TTN: variants seen among roughly 807,000 people sequenced by gnomAD.
The protein encoded by TTN is titin.
Under a neutral mutation model 3,223.0 loss-of-function variants are expected in TTN, and 1,525 were observed. The observed-to-expected ratio is 0.47, with a 90% CI of 0.45 to 0.49. TTN has a LOEUF of 0.49. Among genes scored for constraint, TTN ranks in the 20% least tolerant of loss-of-function variants. The pLI, the probability that TTN is intolerant of heterozygous loss-of-function variation, is 0.00. For synonymous variants in TTN, 14,094 were observed against 15,161.0 expected, an observed-to-expected ratio of 0.93 and a Z score of 5.17; for missense variants, 40,786 against 43,424.0, an observed-to-expected ratio of 0.94 and a Z score of 5.40.
chr2:178,618,980 G>T, intron 250 of TTN, 127 bp from the exon 251 acceptor site: 1 of 1,328,576 alleles, frequency 7.5e-7, no homozygotes, highest in Non-Finnish European at 1.0e-6. Flanking sequence ...TAACTTTATA[G>T]CAGAGAAAAC....
In TTN at chr2:178,795,087, T is replaced by C. The variant is rs758706067; in HGVS notation, c.1080A>G (p.Arg360=). 6.2e-7 allele frequency: 1 copy of C among 1,614,002 alleles called. No homozygotes were observed. Among genetic ancestry groups the C allele is most frequent in the Admixed American group, 1.7e-5 (1 of 60,026 alleles). ...YVASSSEAEM[R]ETTLTTSTQI... ...GAGTAGAGGTTGTCAGCGTTGTCTCTCTCATCTCAGCCTCAGATGAGGAGG... is the reference window on the plus strand; with the variant it reads ...GAGTAGAGGTTGTCAGCGTTGTCTCCCTCATCTCAGCCTCAGATGAGGAGG... The change falls in exon 7 of 363, where the codon AGA becomes AGG. Residue 360 remains arginine (R), a synonymous_variant. Transcript: ENST00000589042.
Position 178,729,798 on chromosome 2 carries a change from T to A in TTN, c.18455A>T (p.His6152Leu), listed in dbSNP as rs2080071193. The A allele has an allele frequency of 1.2e-6, 2 of 1,613,708 alleles. No individual in the cohort carries two copies. The highest frequency in any genetic ancestry group is 4.5e-5 in the East Asian group (2 of 44,828). Residue 6152 changes from histidine (H) to leucine (L), a missense_variant, in exon 63 of 363, where the codon CAT (histidine) becomes CTT (leucine). Coordinates refer to ENST00000589042, the MANE Select transcript of TTN (RefSeq NM_001267550.2). ...TAAACCATCAATGAAGGAAATGCCA[T>A]GTTTCTGAATGGCTGTTATTTCATT... ...DGNEITAIQKHGISFIDGLAT... is the reference protein window; with the variant it reads ...DGNEITAIQKLGISFIDGLAT...
At position 178,717,719 on chromosome 2, in the gene TTN, G is replaced by A. The variant is rs772383867; in HGVS notation, c.25155C>T (p.Gly8385=). The change falls in exon 87 of 363, where the codon GGC becomes GGT. Residue 8385 remains glycine, a synonymous_variant. Coordinates refer to ENST00000589042, the MANE Select transcript of TTN (RefSeq NM_001267550.2). The part of the protein sequence containing the change: ...FPVAFECRIN[G]SEPLQVSWYK... ...ACCAAGACACTTGAAGAGGTTCTGA[G>A]CCATTGATGCGGCATTCAAATGCAA... 4 of 1,613,252 alleles carry A rather than the reference G, an allele frequency of 2.5e-6. No individual in the cohort carries two copies. The highest frequency in any genetic ancestry group is 3.3e-5 in the Admixed American group (2 of 59,960).
In TTN at chr2:178,707,708, C is replaced by T; in HGVS notation, c.28859G>A (p.Arg9620Lys). ...SCHVQGSEPI[R>K]IQWLKAGREI... Reference sequence around the variant, plus strand: ...CCTGCCAGCCTTCAACCACTGGATCCTAATTGGCTCAGATCCCTGGACATG... The same window carrying T: ...CCTGCCAGCCTTCAACCACTGGATCTTAATTGGCTCAGATCCCTGGACATG... The change falls in exon 100 of 363, where the codon AGG becomes AAG. Residue 9620 changes from arginine to lysine, a missense_variant. Coordinates refer to ENST00000589042, the MANE Select transcript of TTN (RefSeq NM_001267550.2). 1 of 1,613,970 alleles carries T rather than the reference C, an allele frequency of 6.2e-7. No homozygotes were observed. The highest frequency in any genetic ancestry group is 8.5e-7 in the Non-Finnish European group (1 of 1,179,850).
intron 121 of TTN, among the ~76,000 whole-genome samples, chr2:178,690,143 C>G (rs2154278743): frequency 6.6e-6 from 1 of 152,256 alleles, no homozygotes. Context: ...GCACAGAATT[C>G]ATCCTTTATA....
Position 178,790,126 on chromosome 2 carries a change from A to G in TTN, c.1801-11T>C. The G allele has an allele frequency of 6.2e-7, 1 of 1,610,314 alleles. No individual in the cohort carries two copies. The highest frequency in any genetic ancestry group is 8.5e-7 in the Non-Finnish European group (1 of 1,178,314). On this transcript the variant is annotated splice_polypyrimidine_tract_variant and intron_variant, in intron 11 of 362. Transcript: ENST00000589042. ...AGTTTCCTTCATTATCTGATCATAC[A>G]AAAGAAAGTAAGAAAATAGTCATTA...
At chr2:178,745,319 TAGGTAGCCA>T (rs1026548523) in intron 47 of TTN, 2 of 1,296,702 alleles carry the variant, frequency 1.5e-6, no homozygotes, top group African/African-American at 3.0e-5. Flanking sequence ...TACAAACAAT[TAGGTAGCCA>T]AGGAGAGATT....
rs2288325 is a variant in TTN at position 178,540,059 on chromosome 2, A to T, written c.98098+9T>A. The T allele has an allele frequency of 0.16, 250,088 of 1,595,098 alleles. 22,429 individuals are homozygous for T. Among genetic ancestry groups the T allele is most frequent in the East Asian group, 0.44 (19,433 of 44,638 alleles). ...ATTATTGCAGAAAGCAAATGATCAT[A>T]TGTCTCACCAAGCATTTCAGTGACT... is the stretch of plus-strand genomic sequence containing the variant. On this transcript the variant is annotated intron_variant, in intron 351 of 362. Coordinates refer to ENST00000589042, the MANE Select transcript of TTN (RefSeq NM_001267550.2).
At chr2:178,763,642 G>A (rs7559166) in intron 43 of TTN, among the ~76,000 whole-genome samples, 1 of 151,992 alleles carries the variant, frequency 6.6e-6, no homozygotes, top group Admixed American at 6.6e-5. Flanking sequence ...GAAGGAGAAC[G>A]AGAGACATGA....
Position 178,528,421 on chromosome 2 carries a change from T to C in TTN, c.107230A>G (p.Ile35744Val), listed in dbSNP as rs142336788. 1.0e-4 allele frequency: 168 copies of C among 1,612,772 alleles called. No individual in the cohort carries two copies. The highest frequency in any genetic ancestry group is 7.2e-4 in the African/African-American group (54 of 74,980). The change falls in exon 361 of 363, where the codon ATT becomes GTT. Residue 35744 changes from isoleucine (I) to valine (V), a missense_variant. Physicochemically the swap from Ile to Val is conservative, Grantham distance 29 (BLOSUM62 3). Coordinates refer to ENST00000589042, the MANE Select transcript of TTN (RefSeq NM_001267550.2). Reference sequence around the variant, plus strand: ...CGGCTTATGCTGACATTTGAAGAAATAGAAATCTAAGACAAAGGAAAAAGA... The same window carrying C: ...CGGCTTATGCTGACATTTGAAGAAACAGAAATCTAAGACAAAGGAAAAAGA... ...EWFKNNLPIS[I>V]SSNVSISRSR... is the part of the protein sequence containing the mutation.
Position 178,649,859 on chromosome 2 carries a change from T to C in TTN, c.39853A>G (p.Lys13285Glu), listed in dbSNP as rs775793001. ...TCTGGTTTTTTGATGACAGGAACTT[T>C]CTTCTCTGGGATGATCTTCTTGGGC... ...EEPKKIIPEKKVPVIKKPEAP... is the reference protein window; with the variant it reads ...EEPKKIIPEKEVPVIKKPEAP... The change falls in exon 211 of 363, where the codon AAA becomes GAA. Residue 13285 changes from lysine (K) to glutamate (E), a missense_variant. Coordinates refer to ENST00000589042, the MANE Select transcript of TTN (RefSeq NM_001267550.2). 1.2e-6 allele frequency: 2 copies of C among 1,612,768 alleles called. No homozygotes were observed. The highest frequency in any genetic ancestry group is 1.1e-5 in the South Asian group (1 of 90,686).
Position 178,677,922 on chromosome 2 carries a change from A to G in TTN, c.33995-5T>C, listed in dbSNP as rs774359312. On this transcript the variant is annotated splice_region_variant and splice_polypyrimidine_tract_variant and intron_variant, in intron 145 of 362. Transcript: ENST00000589042. The stretch of plus-strand genomic sequence containing the variant: ...CTGGTTCACGTTTCTTTGGCACTTT[A>G]AAGATATTTATTCAAGGGTACAAAC... 27 of 1,586,490 alleles carry G rather than the reference A, an allele frequency of 1.7e-5. No homozygotes were observed. Among genetic ancestry groups the G allele is most frequent in the Non-Finnish European group, 2.1e-5 (25 of 1,170,506 alleles).
Position 178,534,325 on chromosome 2 carries a change from A to C in TTN, c.102290T>G (p.Leu34097Arg). Residue 34097 changes from leucine to arginine, a missense_variant, in exon 358 of 363, where the codon CTG (leucine) becomes CGG (arginine). By Grantham distance (102) the Leu-to-Arg change is moderately radical. Transcript: ENST00000589042. Reference sequence around the variant, plus strand: ...AACCATGTTGAGGTCTTTCTTGATCAGGGTGTGGTAATAACGCCGGTGTTT... The same window carrying C: ...AACCATGTTGAGGTCTTTCTTGATCCGGGTGTGGTAATAACGCCGGTGTTT... ...TLKHRRYYHT[L>R]IKKDLNMVVS... is the part of the protein sequence containing the mutation. 1.2e-6 allele frequency: 2 copies of C among 1,613,378 alleles called. No individual in the cohort carries two copies. The highest frequency in any genetic ancestry group is 2.2e-5 in the East Asian group (1 of 44,884).
intron 87 of TTN, 69 bp from the exon 88 acceptor site, chr2:178,717,451 T>C (rs936485858): frequency 2.6e-6 from 4 of 1,561,826 alleles, no homozygotes; most frequent in South Asian, 1.2e-5. Flanking sequence ...AGAAACTAAA[T>C]GGCACCAGCC....
chr2:178,747,357 G>T (rs764185610), intron 47 of TTN: 1 of 1,613,302 alleles, frequency 6.2e-7, no homozygotes, highest in Non-Finnish European at 8.5e-7. Context: ...ATTGAGGATT[G>T]TTTAGTTATA....
rs372290430 is a variant in TTN at position 178,704,340 on chromosome 2, G to A, written c.30030C>T (p.Cys10010=). ...LKEGQTCTMT[C]QFSVPNVKSE... is the part of the protein sequence containing the mutation. Reference sequence around the variant, plus strand: ...ATTTTACATTTGGTACAGAAAATTGGCATGTCATGGTGCAAGTCTGGCCTT... The same window carrying A: ...ATTTTACATTTGGTACAGAAAATTGACATGTCATGGTGCAAGTCTGGCCTT... Residue 10010 remains cysteine, a synonymous_variant, in exon 106 of 363, where the codon TGC becomes TGT. Coordinates refer to ENST00000589042, the MANE Select transcript of TTN (RefSeq NM_001267550.2). 54 of 1,614,004 alleles carry A rather than the reference G, an allele frequency of 3.3e-5. No homozygotes were observed. The highest frequency in any genetic ancestry group is 4.4e-5 in the Non-Finnish European group (52 of 1,179,894).
chr2:178,745,963 T>C (rs1356959129), intron 47 of TTN: 1 of 1,610,286 alleles, frequency 6.2e-7, no homozygotes, highest in Admixed American at 1.7e-5. Context: ...TTTTCTTTGC[T>C]ATCACAGCAA....
chr2:178,566,250 G>A lies in TTN; in HGVS notation c.79882C>T (p.Arg26628Ter), dbSNP rs1373472758. 1.9e-6 allele frequency: 3 copies of A among 1,613,408 alleles called. No individual in the cohort carries two copies. Among genetic ancestry groups the A allele is most frequent in the African/African-American group, 1.3e-5 (1 of 74,830 alleles). ...TTATCTGTGAATTCACCTTCCTCTC[G>A]AGACCAAGTGATCTCAGGCGTTGGA... Reference protein sequence around the residue: ...GRPTPEITWSREEGEFTDKVQ... With the variant: ...GRPTPEITWS Residue 26628 changes from arginine (R) to a stop codon, truncating the protein, a stop_gained, in exon 326 of 363, where the codon CGA (arginine) becomes TGA (stop). Coordinates refer to ENST00000589042, the MANE Select transcript of TTN (RefSeq NM_001267550.2). LOFTEE classifies it high-confidence loss of function.
intron 354 of TTN, 114 bp from the exon 355 acceptor site, chr2:178,538,031 A>T (rs545717935): frequency 2.0e-6 from 2 of 988,978 alleles, no homozygotes; most frequent in Non-Finnish European, 2.9e-6. Context: ...CATGATTTAC[A>T]TATTAGCCTA....
Sources: allele counts gnomAD v4.1 joint callset (sites outside exome capture counted in the v4.1 genomes callset), GRCh38; gene constraint gnomAD v4.1.1; transcripts MANE v1.5; gene names NCBI Gene and HGNC (gene_info 2026-07-23, HGNC 2026-07-21).